Variants in TGFA observed in about 807,000 individuals in gnomAD.
TGFA encodes transforming growth factor alpha.
A neutral mutation model predicts 21.7 loss-of-function variants in TGFA; 12 were observed. That is an observed-to-expected ratio of 0.55 (90% CI 0.35 to 0.90). The LOEUF (loss-of-function observed/expected upper bound fraction) is 0.90, where lower values mean the gene tolerates loss of function less well. Ranked by LOEUF, TGFA falls within the 40% of genes least tolerant of loss-of-function variation. TGFA has a pLI of 0.01. For synonymous variants in TGFA, 79 were observed against 88.1 expected, an observed-to-expected ratio of 0.90 and a Z score of 0.58; for missense variants, 178 against 210.8, an observed-to-expected ratio of 0.84 and a Z score of 0.96.
rs1553489514 is a variant in TGFA at position 70,450,866 on chromosome 2, A to G, written c.476T>C (p.Val159Ala). The G allele has an allele frequency of 1.2e-6, 2 of 1,609,130 alleles. No individual in the cohort carries two copies. Among genetic ancestry groups the G allele is most frequent in the Non-Finnish European group, 1.7e-6 (2 of 1,177,470 alleles). The stretch of plus-strand genomic sequence containing the variant: ...ACTCCTCCTCTGGGCTCTTCAGACC[A>G]CTGGCAGGAAGGAAAAACAGGTTAA... ...GRTACCHSET[V>A]V The change falls in exon 6 of 6, where the codon GTG becomes GCG. Residue 159 changes from valine to alanine, a missense_variant and splice_region_variant. By Grantham distance (64) the Val-to-Ala change is moderately conservative. Coordinates refer to ENST00000295400, the MANE Select transcript of TGFA (RefSeq NM_003236.4).
rs6386 is a variant in TGFA, at chr2:70,449,638, A to G, written c.*1221T>C. On this transcript the variant is annotated 3_prime_UTR_variant, in exon 6 of 6. Coordinates refer to ENST00000295400, the MANE Select transcript of TGFA (RefSeq NM_003236.4). ...GCCGGCATCCTGAATGGAAATGAGG[A>G]AAAAAAAATTACTGGAATAGTTTTC... 5 of 148,228 alleles carry G rather than the reference A, an allele frequency of 3.4e-5. No homozygotes were observed. The highest frequency in any genetic ancestry group is 1.2e-4 in the African/African-American group (4 of 33,356). The allele number at this position is 148,228 out of a possible 1,614,324, so 9.2% of individuals were successfully genotyped here.
intron 1 of TGFA, among the ~76,000 whole-genome samples, chr2:70,543,483 G>A (rs574866396): frequency 4.0e-5 from 6 of 149,392 alleles, no homozygotes; most frequent in South Asian, 2.1e-4. Flanking sequence ...CTGAGATTGC[G>A]CCACTTCACC....
chr2:70,500,578 T>A (rs112092132), intron 2 of TGFA, among the ~76,000 whole-genome samples: 2,152 of 152,304 alleles, frequency 0.014, 42 homozygotes, highest in African/African-American at 0.049. Flanking sequence ...AGCCCTGTAG[T>A]ACCAACACTC....
Position 70,471,459 on chromosome 2 carries a change from C to T in TGFA, c.95-5723G>A, listed in dbSNP as rs148948701. 2.7e-3 allele frequency among the ~76,000 whole-genome samples: 408 copies of T among 152,308 alleles called. 1 individual carries two copies. Among genetic ancestry groups the T allele is most frequent in the African/African-American group, 8.3e-3 (346 of 41,560 alleles). On this transcript the variant is annotated intron_variant, in intron 2 of 5. Coordinates refer to ENST00000295400, the MANE Select transcript of TGFA (RefSeq NM_003236.4). ...GCTTGTGCGCCCCTAGGGTGCTGTA[C>T]GAGCCTCGTGAGCTGATGTGCTTTA...
At chr2:70,461,178 C>T (rs765131614) in intron 3 of TGFA, among the ~76,000 whole-genome samples, 24 of 152,320 alleles carry the variant, frequency 1.6e-4, no homozygotes, top group Middle Eastern at 3.4e-3. Context: ...CCTCGGTCTG[C>T]CTGACCTCCC....
intron 1 of TGFA, among the ~76,000 whole-genome samples, chr2:70,541,700 G>C (rs1169592167): frequency 2.6e-5 from 4 of 152,138 alleles, no homozygotes; most frequent in African/African-American, 4.8e-5. Flanking sequence ...TTCTTTGTTG[G>C]GGGAGGAGAG....
chr2:70,533,196 T>C (rs1210802403), intron 1 of TGFA, among the ~76,000 whole-genome samples: 1 of 152,192 alleles, frequency 6.6e-6, no homozygotes, highest in Admixed American at 6.5e-5. Flanking sequence ...ACAGCGTCTT[T>C]TCCTTGTTAT....
At chr2:70,528,347 C>T (rs1035028612) in intron 1 of TGFA, among the ~76,000 whole-genome samples, 9 of 152,180 alleles carry the variant, frequency 5.9e-5, no homozygotes, top group African/African-American at 2.2e-4. Flanking sequence ...CAATGACCAG[C>T]TTCGGTCAGT....
chr2:70,520,452 T>C (rs938632041), intron 1 of TGFA, among the ~76,000 whole-genome samples: 1 of 151,730 alleles, frequency 6.6e-6, no homozygotes, highest in Non-Finnish European at 1.5e-5. Flanking sequence ...AGGCGGAGAT[T>C]GCAGGGAGCC....
At chr2:70,482,344 A>G (rs1284280546) in intron 2 of TGFA, among the ~76,000 whole-genome samples, 5 of 152,156 alleles carry the variant, frequency 3.3e-5, no homozygotes, top group Non-Finnish European at 7.4e-5. Context: ...TTGCCTAAAG[A>G]TGTAGGGCTA....
intron 2 of TGFA, among the ~76,000 whole-genome samples, chr2:70,468,826 A>T (rs1167492759): frequency 6.6e-6 from 1 of 152,220 alleles, no homozygotes; most frequent in African/African-American, 2.4e-5. Flanking sequence ...CATTATGGTG[A>T]GTTGTATAAT....
chr2:70,465,223 A>G (rs968020788), intron 3 of TGFA, among the ~76,000 whole-genome samples: 16 of 152,178 alleles, frequency 1.1e-4, no homozygotes, highest in Non-Finnish European at 1.5e-5. Context: ...GAGGGCAGAG[A>G]CCACATCTTA....
intron 2 of TGFA, among the ~76,000 whole-genome samples, chr2:70,483,596 AAT>A (rs1282553377): frequency 6.6e-6 from 1 of 152,206 alleles, no homozygotes; most frequent in African/African-American, 2.4e-5. Context: ...TTATGTCAAT[AAT>A]AGTCTTTTCC....
intron 1 of TGFA, among the ~76,000 whole-genome samples, chr2:70,552,346 ACTT>A (rs1268120579): frequency 6.6e-6 from 1 of 152,168 alleles, no homozygotes; most frequent in Non-Finnish European, 1.5e-5. Flanking sequence ...TACTACTACT[ACTT>A]ACTACTATTA....
Position 70,448,290 on chromosome 2 carries a change from G to C in TGFA, c.*2569C>G, listed in dbSNP as rs536680146. On this transcript the variant is annotated 3_prime_UTR_variant, in exon 6 of 6. Transcript: ENST00000295400. ...AGTGGGAAAAATCCAGGCTCCATAA[G>C]AGTATTGGAGGCCTTTTAAAAAATG... 6.6e-6 allele frequency: 1 copy of C among 152,290 alleles called. No homozygotes were observed. Among genetic ancestry groups the C allele is most frequent in the African/African-American group, 2.4e-5 (1 of 41,562 alleles). 9.4% of individuals were successfully genotyped at this position (152,290 alleles called of 1,614,324 possible). A position where few individuals can be genotyped will look rare whatever the true frequency, so the allele number is the denominator to read the frequency against.
At chr2:70,465,826 C>A in intron 2 of TGFA, 90 bp from the exon 3 acceptor site, 2 of 1,553,544 alleles carry the variant, frequency 1.3e-6, no homozygotes, top group East Asian at 2.3e-5. Flanking sequence ...GAAGGTGGAG[C>A]CCCTGATGGC....
chr2:70,534,459 A>G (rs1672913339), intron 1 of TGFA, among the ~76,000 whole-genome samples: 1 of 152,330 alleles, frequency 6.6e-6, no homozygotes, highest in East Asian at 1.9e-4. Flanking sequence ...AATGTGCCCC[A>G]TGACTTCCAG....
intron 1 of TGFA, among the ~76,000 whole-genome samples, chr2:70,534,342 T>A (rs1272232110): frequency 6.6e-6 from 1 of 152,090 alleles, no homozygotes; most frequent in African/African-American, 2.4e-5. Flanking sequence ...AAAGTAAAAG[T>A]GTTAAAGACT....
intron 2 of TGFA, among the ~76,000 whole-genome samples, chr2:70,469,708 T>C (rs1034130081): frequency 2.0e-5 from 3 of 152,198 alleles, no homozygotes; most frequent in Admixed American, 6.5e-5. Context: ...AAAGGATAAA[T>C]GGGCTCTTGC....
Sources: allele counts gnomAD v4.1 joint callset (sites outside exome capture counted in the v4.1 genomes callset), GRCh38; gene constraint gnomAD v4.1.1; transcripts MANE v1.5; gene names NCBI Gene and HGNC (gene_info 2026-07-23, HGNC 2026-07-21).